The following NTNG1 variants were observed in gnomAD, a reference collection of about 807,000 sequenced individuals.
The protein encoded by NTNG1 is netrin-G1.
Under a neutral mutation model 54.0 loss-of-function variants are expected in NTNG1, and 16 were observed. The observed-to-expected ratio is 0.30, with a 90% CI of 0.20 to 0.45. The LOEUF (loss-of-function observed/expected upper bound fraction) is 0.45. Ranked by LOEUF, NTNG1 falls within the 20% of genes least tolerant of loss-of-function variation. NTNG1 has a pLI of 1.00. For missense variants in NTNG1, 530 were observed against 678.7 expected (o/e 0.78, Z 2.43); for synonymous variants, 255 against 263.1 (o/e 0.97, Z 0.30).
intron 3 of NTNG1, among the ~76,000 whole-genome samples, chr1:107,360,597 C>T (rs1485092598): frequency 1.3e-5 from 2 of 152,152 alleles, no homozygotes; most frequent in African/African-American, 2.4e-5. Flanking sequence ...TGGATAGTCT[C>T]TAATTCATGG....
intron 2 of NTNG1, among the ~76,000 whole-genome samples, chr1:107,307,958 C>T (rs1666784918): frequency 1.3e-5 from 2 of 151,950 alleles, no homozygotes; most frequent in African/African-American, 2.4e-5. Context: ...TTGTTGGGCC[C>T]ACTTAGGTCC....
intron 3 of NTNG1, among the ~76,000 whole-genome samples, chr1:107,331,782 G>A (rs1668295530): frequency 6.6e-6 from 1 of 151,628 alleles, no homozygotes; most frequent in African/African-American, 2.4e-5. Flanking sequence ...TCTCTCTTCT[G>A]AAACTATTTT....
intron 2 of NTNG1, among the ~76,000 whole-genome samples, chr1:107,269,068 A>C (rs1284361220): frequency 6.6e-6 from 1 of 152,102 alleles, no homozygotes; most frequent in African/African-American, 2.4e-5. Flanking sequence ...CTCTGTTAAA[A>C]CACTTTCCAG....
At chr1:107,236,274 A>G (rs1661406843) in intron 2 of NTNG1, among the ~76,000 whole-genome samples, 1 of 152,232 alleles carries the variant, frequency 6.6e-6, no homozygotes. Context: ...TTGAATGCAA[A>G]GAATGCCAAC....
At chr1:107,327,644 A>C (rs532168142) in intron 3 of NTNG1, among the ~76,000 whole-genome samples, 1 of 152,084 alleles carries the variant, frequency 6.6e-6, no homozygotes, top group South Asian at 2.1e-4. Context: ...AACATTTAAC[A>C]TGCCTTTACA....
chr1:107,321,752 G>A (rs1667673304), intron 2 of NTNG1, among the ~76,000 whole-genome samples: 1 of 152,108 alleles, frequency 6.6e-6, no homozygotes, highest in Non-Finnish European at 1.5e-5. Flanking sequence ...AGATTAGGCT[G>A]TGTTTCCTGA....
At chr1:107,251,502 A>T (rs1662603973) in intron 2 of NTNG1, among the ~76,000 whole-genome samples, 1 of 152,140 alleles carries the variant, frequency 6.6e-6, no homozygotes, top group South Asian at 2.1e-4. Context: ...TCACTTTTGC[A>T]TCTAGTTAAC....
At chr1:107,389,040 G>A (rs1453509513) in intron 3 of NTNG1, among the ~76,000 whole-genome samples, 1 of 152,222 alleles carries the variant, frequency 6.6e-6, no homozygotes, top group Non-Finnish European at 1.5e-5. Context: ...TTCCTTTGGG[G>A]ATGCAGGGAC....
intron 3 of NTNG1, among the ~76,000 whole-genome samples, chr1:107,390,714 C>G (rs905186737): frequency 6.6e-6 from 1 of 152,122 alleles, no homozygotes; most frequent in Non-Finnish European, 1.5e-5. Context: ...AGGAAGCTTA[C>G]TTTATTATCA....
At chr1:107,242,341 TTATCTC>T (rs1557837829) in intron 2 of NTNG1, among the ~76,000 whole-genome samples, 1 of 151,986 alleles carries the variant, frequency 6.6e-6, no homozygotes, top group Admixed American at 6.6e-5. Flanking sequence ...CTCTCTCTCT[TTATCTC>T]TCTCTCTCAC....
chr1:107,480,939 C>T lies in NTNG1; in HGVS notation c.*99C>T. On this transcript the variant is annotated 3_prime_UTR_variant, in exon 8 of 8. Transcript: ENST00000370068. Reference sequence around the variant, plus strand: ...ATAGGAAACACACACATACAGACACCCCCACTCAGACAGTGTACAAACTAA... The same window carrying T: ...ATAGGAAACACACACATACAGACACTCCCACTCAGACAGTGTACAAACTAA... 1 of 859,302 alleles carries T rather than the reference C, an allele frequency of 1.2e-6. No homozygotes were observed. The allele number at this position is 859,302 out of a possible 1,614,324, so 53.2% of individuals were successfully genotyped here.
intron 2 of NTNG1, among the ~76,000 whole-genome samples, chr1:107,188,882 G>A (rs551308779): frequency 6.6e-6 from 1 of 152,162 alleles, no homozygotes; most frequent in Admixed American, 6.6e-5. Context: ...TCCATCTAAG[G>A]CAGCATTTAT....
chr1:107,379,088 A>G, intron 3 of NTNG1, among the ~76,000 whole-genome samples: 1 of 152,080 alleles, frequency 6.6e-6, no homozygotes, highest in East Asian at 1.9e-4. Flanking sequence ...TTACTTTGCT[A>G]CCCTGTGGAT....
intron 3 of NTNG1, among the ~76,000 whole-genome samples, chr1:107,342,491 C>T (rs542975867): frequency 1.6e-4 from 25 of 152,192 alleles, no homozygotes; most frequent in African/African-American, 4.6e-4. Context: ...TTTTGCTTTG[C>T]TCAGTGGCAT....
chr1:107,256,840 T>C (rs1662967431), intron 2 of NTNG1, among the ~76,000 whole-genome samples: 2 of 152,208 alleles, frequency 1.3e-5, no homozygotes, highest in South Asian at 4.1e-4. Context: ...TCTGTCCAAT[T>C]AGTATCAAAT....
At chr1:107,297,132 T>C (rs866998604) in intron 2 of NTNG1, among the ~76,000 whole-genome samples, 15 of 145,262 alleles carry the variant, frequency 1.0e-4, no homozygotes, top group African/African-American at 3.8e-4. Flanking sequence ...CACATATATA[T>C]ATATAACATC....
At chr1:107,428,019 A>C (rs1675010914) in intron 5 of NTNG1, among the ~76,000 whole-genome samples, 1 of 152,094 alleles carries the variant, frequency 6.6e-6, no homozygotes, top group African/African-American at 2.4e-5. Context: ...TGGTTTTCTT[A>C]CTCAGATAAA....
intron 2 of NTNG1, among the ~76,000 whole-genome samples, chr1:107,258,640 G>A (rs1467975226): frequency 2.0e-5 from 3 of 152,188 alleles, no homozygotes; most frequent in Non-Finnish European, 4.4e-5. Flanking sequence ...ACTGAGGCAT[G>A]GGAATTAAAT....
At chr1:107,472,277 C>T in intron 7 of NTNG1, among the ~76,000 whole-genome samples, 1 of 152,160 alleles carries the variant, frequency 6.6e-6, no homozygotes, top group East Asian at 1.9e-4. Context: ...ACAAGACCAT[C>T]CATCATCATA....
Sources: gnomAD v4.1 joint callset for allele counts (sites outside exome capture counted in the v4.1 genomes callset) on GRCh38, gnomAD v4.1.1 for gene constraint, MANE v1.5 for transcripts, NCBI Gene and HGNC (gene_info 2026-07-23, HGNC 2026-07-21) for gene names.